The following PDIA5 variants were observed in gnomAD, a reference collection of about 807,000 sequenced individuals.
PDIA5 encodes protein disulfide-isomerase A5.
Under a neutral mutation model 77.6 loss-of-function variants are expected in PDIA5, and 58 were observed. The observed-to-expected ratio is 0.75, with a 90% CI of 0.61 to 0.93. The LOEUF (loss-of-function observed/expected upper bound fraction) is 0.93, where lower values mean the gene tolerates loss of function less well. PDIA5 is among the 40% of genes least tolerant of loss of function. The pLI is 0.00. For synonymous variants in PDIA5, 250 were observed against 252.1 expected (o/e 0.99, Z 0.08); for missense variants, 630 against 647.7 (o/e 0.97, Z 0.30).
intron 8 of PDIA5, among the ~76,000 whole-genome samples, chr3:123,119,589 C>T (rs1377576786): frequency 1.3e-5 from 2 of 152,202 alleles, no homozygotes; most frequent in African/African-American, 4.8e-5. Context: ...ACGCAGGAGG[C>T]CCCTAGAGGC....
intron 3 of PDIA5, among the ~76,000 whole-genome samples, chr3:123,095,732 A>G (rs1433915465): frequency 6.7e-6 from 1 of 148,904 alleles, no homozygotes; most frequent in Non-Finnish European, 1.5e-5. Flanking sequence ...TTGGGCTACA[A>G]GAGCAAAACT....
At chr3:123,071,919 G>C (rs570165855) in intron 1 of PDIA5, among the ~76,000 whole-genome samples, 10 of 152,316 alleles carry the variant, frequency 6.6e-5, no homozygotes, top group African/African-American at 2.4e-4. Context: ...CAGAGACATG[G>C]GAAATGAGGA....
At chr3:123,104,297 T>G (rs1030714187) in intron 5 of PDIA5, among the ~76,000 whole-genome samples, 1 of 152,172 alleles carries the variant, frequency 6.6e-6, no homozygotes, top group African/African-American at 2.4e-5. Flanking sequence ...GCAGAATCCC[T>G]GGAGTTCTTC....
intron 8 of PDIA5, among the ~76,000 whole-genome samples, chr3:123,119,454 T>A (rs985614263): frequency 2.0e-5 from 3 of 152,204 alleles, no homozygotes; most frequent in Non-Finnish European, 4.4e-5. Context: ...TTGTATATTT[T>A]CTTGCTTGGG....
intron 15 of PDIA5, among the ~76,000 whole-genome samples, chr3:123,158,002 A>C (rs990541749): frequency 2.0e-5 from 3 of 152,208 alleles, no homozygotes; most frequent in African/African-American, 7.2e-5. Flanking sequence ...CCATGGGCCC[A>C]CTTCACTGCT....
At chr3:123,086,406 A>T (rs1384805451) in intron 1 of PDIA5, among the ~76,000 whole-genome samples, 2 of 152,230 alleles carry the variant, frequency 1.3e-5, no homozygotes. Flanking sequence ...TCAATCCAAG[A>T]CTTCTGACTG....
chr3:123,132,385 G>A (rs1935389680), intron 11 of PDIA5, among the ~76,000 whole-genome samples: 1 of 152,166 alleles, frequency 6.6e-6, no homozygotes, highest in East Asian at 1.9e-4. Flanking sequence ...AAATTCTTAG[G>A]AGACTCTAAA....
At chr3:123,132,509 C>T (rs1935392237) in intron 11 of PDIA5, among the ~76,000 whole-genome samples, 1 of 152,230 alleles carries the variant, frequency 6.6e-6, no homozygotes, top group African/African-American at 2.4e-5. Context: ...GTTTCAAAAA[C>T]CCTCTAGTCT....
intron 14 of PDIA5, 110 bp from the exon 15 acceptor site, chr3:123,154,861 T>G (rs1576467757): frequency 1.3e-6 from 1 of 750,472 alleles, no homozygotes. Flanking sequence ...TGGCGGGCAG[T>G]GGGGAGCTCC....
chr3:123,081,789 C>T (rs922021190), intron 1 of PDIA5, among the ~76,000 whole-genome samples: 4 of 152,144 alleles, frequency 2.6e-5, no homozygotes, highest in African/African-American at 7.2e-5. Flanking sequence ...ACAGAGAATG[C>T]GAGGGTGCTG....
intron 3 of PDIA5, among the ~76,000 whole-genome samples, chr3:123,098,497 C>T (rs895177435): frequency 5.3e-5 from 8 of 152,186 alleles, no homozygotes; most frequent in South Asian, 2.1e-4. Context: ...CAGCCACTCC[C>T]GACTAGCAGC....
chr3:123,131,142 C>T (rs1935361390), intron 11 of PDIA5, among the ~76,000 whole-genome samples: 1 of 152,170 alleles, frequency 6.6e-6, no homozygotes, highest in African/African-American at 2.4e-5. Context: ...ATGTGGTGCA[C>T]ACTTGTAGTC....
At position 123,114,437 on chromosome 3, in the gene PDIA5, C is replaced by T. The variant is rs539337516; in HGVS notation, c.542-1794C>T. ...GAATGTTCCCCGGCTCTATCTAACACCTGCAGGGCACCTATCCCCACTGCA... is the reference window on the plus strand; with the variant it reads ...GAATGTTCCCCGGCTCTATCTAACATCTGCAGGGCACCTATCCCCACTGCA... On this transcript the variant is annotated intron_variant, in intron 7 of 16. Transcript: ENST00000316218. Among the ~76,000 whole-genome samples the T allele has an allele frequency of 1.3e-3, 195 of 152,282 alleles. 1 individual carries two copies. The highest frequency in any genetic ancestry group is 4.5e-3 in the African/African-American group (186 of 41,576).
At chr3:123,105,567 A>G (rs891242924) in intron 5 of PDIA5, among the ~76,000 whole-genome samples, 1 of 152,192 alleles carries the variant, frequency 6.6e-6, no homozygotes, top group Non-Finnish European at 1.5e-5. Context: ...GCACTACCTG[A>G]ATGAAATCCT....
intron 1 of PDIA5, among the ~76,000 whole-genome samples, chr3:123,086,039 C>G (rs576078918): frequency 5.8e-4 from 88 of 152,304 alleles, no homozygotes; most frequent in Admixed American, 2.4e-3. Flanking sequence ...TTACCCTGCT[C>G]TGCAGGGTGT....
Position 123,147,716 on chromosome 3 carries a change from T to C in PDIA5, c.1142+1457T>C, listed in dbSNP as rs115136189. 3.1e-3 allele frequency among the ~76,000 whole-genome samples: 467 copies of C among 152,232 alleles called. 7 individuals carry two copies. Among genetic ancestry groups the C allele is most frequent in the African/African-American group, 0.011 (452 of 41,550 alleles). On this transcript the variant is annotated intron_variant, in intron 13 of 16. Coordinates refer to ENST00000316218, the MANE Select transcript of PDIA5 (RefSeq NM_006810.4). ...CTTTGTCTTAGGGACCAGAGGAAAA[T>C]GATGGTTTGCCTCTGAAAGGCACAA...
intron 10 of PDIA5, among the ~76,000 whole-genome samples, chr3:123,127,324 A>G (rs755276665): frequency 6.6e-5 from 10 of 152,246 alleles, no homozygotes; most frequent in Middle Eastern, 3.4e-3. Context: ...TCTCCTTTCA[A>G]TGTTTGCATT....
chr3:123,088,512 C>G (rs1226431627), intron 1 of PDIA5, among the ~76,000 whole-genome samples: 2 of 152,166 alleles, frequency 1.3e-5, no homozygotes, highest in Non-Finnish European at 2.9e-5. Context: ...TACTTTGCCC[C>G]AGCATATGGC....
chr3:123,120,295 T>C (rs965547899), intron 8 of PDIA5, among the ~76,000 whole-genome samples: 1 of 152,190 alleles, frequency 6.6e-6, no homozygotes, highest in African/African-American at 2.4e-5. Flanking sequence ...GAGATCTTGG[T>C]CCAAGCTCCT....
Sources: gnomAD v4.1 joint callset for allele counts (sites outside exome capture counted in the v4.1 genomes callset) on GRCh38, gnomAD v4.1.1 for gene constraint, MANE v1.5 for transcripts, NCBI Gene and HGNC (gene_info 2026-07-23, HGNC 2026-07-21) for gene names.